AGPAT3: variants seen among roughly 807,000 people sequenced by gnomAD.
The protein encoded by AGPAT3 is 1-acyl-sn-glycerol-3-phosphate acyltransferase gamma.
AGPAT3 carries 5 observed loss-of-function variants against 47.3 expected under a neutral mutation model. That is an observed-to-expected ratio of 0.11 (90% CI 0.06 to 0.22). The LOEUF (loss-of-function observed/expected upper bound fraction) is 0.22, where lower values mean the gene tolerates loss of function less well. Ranked by LOEUF, AGPAT3 falls within the 10% of genes least tolerant of loss-of-function variation. The pLI, the probability that AGPAT3 is intolerant of heterozygous loss-of-function variation, is 1.00. For synonymous variants in AGPAT3, 212 were observed against 208.3 expected (o/e 1.02, Z -0.15); for missense variants, 315 against 493.0 (o/e 0.64, Z 3.42).
At position 43,982,612 on chromosome 21, in the gene AGPAT3, C is replaced by T. The variant is rs1043849750; in HGVS notation, c.*220C>T. ...GGGTCCCAGCATCTCCACGCGCGCCCGTGGGAGGTGGGTCCGGCCGGAGAG... is the reference window on the plus strand; with the variant it reads ...GGGTCCCAGCATCTCCACGCGCGCCTGTGGGAGGTGGGTCCGGCCGGAGAG... On this transcript the variant is annotated 3_prime_UTR_variant, in exon 10 of 10. Coordinates refer to ENST00000291572, the MANE Select transcript of AGPAT3 (RefSeq NM_020132.5). This position sits in a 1 kb window ranked among gnomAD's most constrained non-coding sequence, Gnocchi z 6.2. The T allele has an allele frequency of 1.0e-4, 41 of 391,096 alleles. No homozygotes were observed. The highest frequency in any genetic ancestry group is 6.4e-4 in the African/African-American group (30 of 47,172). 24.2% of individuals were successfully genotyped at this position (391,096 alleles called of 1,614,324 possible). A position where few individuals can be genotyped will look rare whatever the true frequency, so the allele number is the denominator to read the frequency against.
chr21:43,917,971 G>A (rs1293486847), intron 2 of AGPAT3, among the ~76,000 whole-genome samples: 1 of 123,986 alleles, frequency 8.1e-6, no homozygotes, highest in African/African-American at 3.2e-5. Flanking sequence ...TGTGGGTGTT[G>A]GGGGTGTTGT....
intron 1 of AGPAT3, among the ~76,000 whole-genome samples, chr21:43,887,242 C>T (rs1420625775): frequency 3.9e-5 from 6 of 152,242 alleles, no homozygotes; most frequent in Non-Finnish European, 8.8e-5. Context: ...TGGCCCCAAG[C>T]CTGAAATATT....
intron 3 of AGPAT3, 44 bp downstream of exon 3, chr21:43,959,903 G>C (rs1490018137): frequency 6.4e-7 from 1 of 1,555,478 alleles, no homozygotes; most frequent in Non-Finnish European, 8.7e-7. Context: ...GGGCTCCCGT[G>C]GGGGTGGCGC....
Position 43,981,365 on chromosome 21 carries a change from G to A in AGPAT3, c.1042+178G>A. 4.3e-6 allele frequency: 3 copies of A among 700,538 alleles called. No homozygotes were observed. In the South Asian group the frequency reaches 5.6e-5, roughly 13 times the overall value. 43.4% of individuals were successfully genotyped at this position (700,538 alleles called of 1,614,324 possible). A position where few individuals can be genotyped will look rare whatever the true frequency, so the allele number is the denominator to read the frequency against. ...GCCTCAGAGCCTGGATTCTTGCACTGAGCTGAGGGTCGCCTCCCCAGAGAG... is the reference window on the plus strand; with the variant it reads ...GCCTCAGAGCCTGGATTCTTGCACTAAGCTGAGGGTCGCCTCCCCAGAGAG... On this transcript the variant is annotated intron_variant, in intron 9 of 9. Coordinates refer to ENST00000291572, the MANE Select transcript of AGPAT3 (RefSeq NM_020132.5). The surrounding 1 kb of genome is among the most constrained non-coding windows in gnomAD (Gnocchi z 5.3).
intron 2 of AGPAT3, among the ~76,000 whole-genome samples, chr21:43,940,269 C>G (rs557054300): frequency 2.6e-5 from 4 of 152,264 alleles, no homozygotes; most frequent in Non-Finnish European, 5.9e-5. Context: ...GCTACCCGGC[C>G]TGCCTCTTCT....
At chr21:43,918,667 A>G (rs770287839) in intron 2 of AGPAT3, among the ~76,000 whole-genome samples, 11 of 151,106 alleles carry the variant, frequency 7.3e-5, no homozygotes, top group Non-Finnish European at 1.5e-4. Flanking sequence ...GCTCACCGCA[A>G]TCTCCGTCTC....
At chr21:43,914,764 ACTC>A (rs1255038226) in intron 2 of AGPAT3, among the ~76,000 whole-genome samples, 2 of 151,818 alleles carry the variant, frequency 1.3e-5, no homozygotes, top group Non-Finnish European at 2.9e-5. Context: ...CTGGTTTCGA[ACTC>A]CTGGTCTCAA....
intron 2 of AGPAT3, among the ~76,000 whole-genome samples, chr21:43,926,957 C>A (rs1052816545): frequency 3.8e-5 from 5 of 133,152 alleles, no homozygotes; most frequent in Non-Finnish European, 6.1e-5. Context: ...CCAGTCTAGG[C>A]GACAGAGGAA....
chr21:43,920,716 G>A lies in AGPAT3; in HGVS notation c.-49+16697G>A, dbSNP rs1393691383. ...TGGGGGCTTGCAGGCTGCTAAGCAC[G>A]GGGAGGTTCCCGGAGGGTGGAGCCC... On this transcript the variant is annotated intron_variant, in intron 2 of 9. Transcript: ENST00000291572. This position sits in a 1 kb window ranked among gnomAD's most constrained non-coding sequence, Gnocchi z 6.1. Among the ~76,000 whole-genome samples, 1 of 151,538 alleles carries A rather than the reference G, an allele frequency of 6.6e-6. No individual in the cohort carries two copies. The highest frequency in any genetic ancestry group is 1.5e-5 in the Non-Finnish European group (1 of 67,858).
At chr21:43,975,247 T>G (rs2089565148) in intron 7 of AGPAT3, among the ~76,000 whole-genome samples, 1 of 150,684 alleles carries the variant, frequency 6.6e-6, no homozygotes, top group Admixed American at 6.6e-5. Context: ...TGGTGTGTGC[T>G]GGTGTGTGGT....
intron 1 of AGPAT3, among the ~76,000 whole-genome samples, chr21:43,869,535 T>C (rs2085577798): frequency 6.6e-6 from 1 of 152,070 alleles, no homozygotes; most frequent in African/African-American, 2.4e-5. Context: ...GGTGCCACGA[T>C]GAGATGGGAA....
rs184943822 is a variant in AGPAT3, at chr21:43,880,209, A to T, written c.-112+14864A>T. On this transcript the variant is annotated intron_variant, in intron 1 of 9. Coordinates refer to ENST00000291572, the MANE Select transcript of AGPAT3 (RefSeq NM_020132.5). The surrounding 1 kb of genome is among the most constrained non-coding windows in gnomAD (Gnocchi z 4.5). Reference sequence around the variant, plus strand: ...CAGGCTGGTGCTGTGTTCCTGGACCAGCGTCCGATTTCCCTGCTGCTGAAT... The same window carrying T: ...CAGGCTGGTGCTGTGTTCCTGGACCTGCGTCCGATTTCCCTGCTGCTGAAT... 1.8e-3 allele frequency among the ~76,000 whole-genome samples: 273 copies of T among 152,282 alleles called. No individual in the cohort carries two copies. The highest frequency in any genetic ancestry group is 6.3e-3 in the African/African-American group (263 of 41,564).
intron 2 of AGPAT3, among the ~76,000 whole-genome samples, chr21:43,907,641 C>G (rs1393989320): frequency 6.6e-6 from 1 of 152,110 alleles, no homozygotes; most frequent in Non-Finnish European, 1.5e-5. Flanking sequence ...GGCGTGAACC[C>G]GGGAGGCGGA....
intron 8 of AGPAT3, among the ~76,000 whole-genome samples, chr21:43,980,353 C>T (rs9978441): frequency 0.22 from 33,071 of 151,160 alleles, 3,685 homozygotes; most frequent in Admixed American, 0.29. Flanking sequence ...TAGAGTCCCA[C>T]GGGCTGCCCC....
intron 2 of AGPAT3, among the ~76,000 whole-genome samples, chr21:43,906,271 A>G (rs1413366826): frequency 6.6e-6 from 1 of 152,106 alleles, no homozygotes; most frequent in Non-Finnish European, 1.5e-5. Context: ...GCCACGTATC[A>G]CTTTTGGGAG....
Position 43,926,225 on chromosome 21 carries a change from T to C in AGPAT3, c.-49+22206T>C, listed in dbSNP as rs372537114. ...GAGACACAGACGCCTGCTTGGGACA[T>C]GGACTCCAGCTCCTCAGCCCTGTCC... is the stretch of plus-strand genomic sequence containing the variant. On this transcript the variant is annotated intron_variant, in intron 2 of 9. Transcript: ENST00000291572. Among the ~76,000 whole-genome samples, 5 of 152,326 alleles carry C rather than the reference T, an allele frequency of 3.3e-5. No individual in the cohort carries two copies. The East Asian group carries it at 7.7e-4, about 24-fold the overall frequency.
intron 2 of AGPAT3, among the ~76,000 whole-genome samples, chr21:43,929,064 G>A (rs1038152608): frequency 6.6e-6 from 1 of 152,202 alleles, no homozygotes; most frequent in South Asian, 2.1e-4. Context: ...GTGCGTTCTC[G>A]TTATTTCACT....
At chr21:43,969,363 C>A in intron 5 of AGPAT3, 84 bp downstream of exon 5, 1 of 1,552,956 alleles carries the variant, frequency 6.4e-7, no homozygotes, top group Non-Finnish European at 8.8e-7. Context: ...ACATCCCAGG[C>A]TGGGAAACCC....
intron 7 of AGPAT3, among the ~76,000 whole-genome samples, chr21:43,972,584 C>T (rs968409853): frequency 7.9e-5 from 12 of 152,264 alleles, no homozygotes; most frequent in East Asian, 5.8e-4. Context: ...AGGGTACCAG[C>T]GGCTTTCCTT....
Sources: gnomAD v4.1 joint callset for allele counts (sites outside exome capture counted in the v4.1 genomes callset) on GRCh38, gnomAD v4.1.1 for gene constraint, Gnocchi (gnomAD v3.1) non-coding constraint, MANE v1.5 for transcripts, NCBI Gene and HGNC (gene_info 2026-07-23, HGNC 2026-07-21) for gene names.